Variants in NBEA observed in about 807,000 individuals in gnomAD.
NBEA encodes lysosomal-trafficking regulator 2.
NBEA carries 44 observed loss-of-function variants against 343.4 expected under a neutral mutation model. That is an observed-to-expected ratio of 0.13 (90% CI 0.10 to 0.16). The LOEUF (loss-of-function observed/expected upper bound fraction) is 0.16, where lower values mean the gene tolerates loss of function less well. NBEA is among the 10% of genes least tolerant of loss of function. The pLI is 1.00. For synonymous variants in NBEA, 1,175 were observed against 1,238.7 expected (o/e 0.95, Z 1.08); for missense variants, 2,555 against 3,631.3 (o/e 0.70, Z 7.62).
chr13:35,335,748 A>G (rs569924027), intron 36 of NBEA, among the ~76,000 whole-genome samples: 1 of 152,222 alleles, frequency 6.6e-6, no homozygotes, highest in East Asian at 1.9e-4. Context: ...TAGGTAAAAG[A>G]TAAGAGTTTA....
chr13:35,276,160 C>T (rs2034572159), intron 34 of NBEA, among the ~76,000 whole-genome samples: 1 of 152,092 alleles, frequency 6.6e-6, no homozygotes, highest in South Asian at 2.1e-4. Context: ...GATTAGAAGA[C>T]ACTTTTGTTT....
chr13:35,424,204 G>A (rs1405709993), intron 38 of NBEA, among the ~76,000 whole-genome samples: 1 of 152,140 alleles, frequency 6.6e-6, no homozygotes. Context: ...GGAGTGGTGA[G>A]AGAGGGCATC....
At chr13:35,295,918 T>G (rs1194449684) in intron 35 of NBEA, among the ~76,000 whole-genome samples, 1 of 152,184 alleles carries the variant, frequency 6.6e-6, no homozygotes, top group Non-Finnish European at 1.5e-5. Context: ...TTAGCAGGTA[T>G]AAGAAATTTT....
intron 16 of NBEA, among the ~76,000 whole-genome samples, chr13:35,121,644 T>G (rs1440271909): frequency 6.6e-6 from 1 of 152,084 alleles, no homozygotes; most frequent in African/African-American, 2.4e-5. Flanking sequence ...AAATAATCAC[T>G]TTTCTCATAG....
At chr13:35,286,263 T>A (rs1363126609) in intron 34 of NBEA, among the ~76,000 whole-genome samples, 6 of 152,182 alleles carry the variant, frequency 3.9e-5, no homozygotes, top group Admixed American at 3.3e-4. Context: ...TAAAAAATGA[T>A]GTTCTTATTT....
At chr13:35,108,623 A>T (rs1297877738) in intron 11 of NBEA, among the ~76,000 whole-genome samples, 1 of 152,116 alleles carries the variant, frequency 6.6e-6, no homozygotes, top group Non-Finnish European at 1.5e-5. Context: ...CTCACTTTCA[A>T]TTGCAATATT....
chr13:35,308,341 G>T (rs1403241700), intron 35 of NBEA, among the ~76,000 whole-genome samples: 2 of 148,778 alleles, frequency 1.3e-5, no homozygotes, highest in African/African-American at 4.9e-5. Flanking sequence ...GGTCAATAAA[G>T]ATTTTTCTAT....
intron 56 of NBEA, among the ~76,000 whole-genome samples, chr13:35,666,071 G>A (rs1386700174): frequency 6.6e-6 from 1 of 152,186 alleles, no homozygotes; most frequent in Non-Finnish European, 1.5e-5. Flanking sequence ...GGAGCCCTGG[G>A]TGCTGCTGGA....
At chr13:35,364,280 A>G (rs749428277) in intron 38 of NBEA, among the ~76,000 whole-genome samples, 2 of 151,840 alleles carry the variant, frequency 1.3e-5, no homozygotes, top group Non-Finnish European at 2.9e-5. Context: ...AAGTCCAACA[A>G]CACATGTAGA....
rs370916889 is a variant in NBEA at position 35,114,426 on chromosome 13, C to G, written c.2003-2988C>G. On this transcript the variant is annotated intron_variant, in intron 13 of 58. Coordinates refer to ENST00000379939, the MANE Select transcript of NBEA (RefSeq NM_001385012.1). ...CAGTGTTTTGATACACACGGCATAACCTTCTCAGCTTTAACATTGCTAGTC... is the reference window on the plus strand; with the variant it reads ...CAGTGTTTTGATACACACGGCATAAGCTTCTCAGCTTTAACATTGCTAGTC... 2.6e-5 allele frequency among the ~76,000 whole-genome samples: 4 copies of G among 152,252 alleles called. No individual in the cohort carries two copies. The East Asian group carries it at 7.7e-4, about 29-fold the overall frequency.
chr13:34,945,444 C>A (rs2059158357), intron 1 of NBEA, among the ~76,000 whole-genome samples: 1 of 151,976 alleles, frequency 6.6e-6, no homozygotes, highest in Non-Finnish European at 1.5e-5. Context: ...AAGTCATGGG[C>A]ATTTAAAAAA....
intron 36 of NBEA, among the ~76,000 whole-genome samples, chr13:35,333,164 G>A (rs2039031963): frequency 6.6e-6 from 1 of 151,924 alleles, no homozygotes; most frequent in Non-Finnish European, 1.5e-5. Context: ...ATATGCATGA[G>A]AATCATCAAG....
intron 34 of NBEA, among the ~76,000 whole-genome samples, chr13:35,287,912 T>A (rs1162552105): frequency 6.6e-6 from 1 of 152,054 alleles, no homozygotes; most frequent in African/African-American, 2.4e-5. Flanking sequence ...GAGATTCAAA[T>A]GAGTCAGCAT....
chr13:35,010,769 T>TATACACATATAC (rs2061469609), intron 1 of NBEA, among the ~76,000 whole-genome samples: 3 of 102,598 alleles, frequency 2.9e-5, no homozygotes, highest in African/African-American at 1.2e-4. Flanking sequence ...TATATATATA[T>TATACACATATAC]ATATATATAT....
intron 8 of NBEA, among the ~76,000 whole-genome samples, chr13:35,059,909 T>C (rs1388631024): frequency 6.6e-6 from 1 of 151,878 alleles, no homozygotes; most frequent in Admixed American, 6.6e-5. Flanking sequence ...CTATCATGTA[T>C]TTTCCATATC....
intron 38 of NBEA, among the ~76,000 whole-genome samples, chr13:35,405,118 GAAAC>G (rs2043207334): frequency 3.3e-5 from 5 of 152,198 alleles, no homozygotes; most frequent in African/African-American, 1.2e-4. Context: ...TGTTTGAAAA[GAAAC>G]AAATCTGGAT....
Position 35,252,747 on chromosome 13 carries a change from C to CCTAAGAGAACCA in NBEA, c.5776+20135_5776+20136insAACCACTAAGAG, listed in dbSNP as rs2032127783. Among the ~76,000 whole-genome samples the CCTAAGAGAACCA allele has an allele frequency of 9.2e-5, 14 of 152,228 alleles. 1 individual carries two copies. The South Asian group carries it at 2.9e-3, about 32-fold the overall frequency. On this transcript the variant is annotated intron_variant, in intron 34 of 58. Transcript: ENST00000379939. ...AAGTGGTCTGTGGTCTGTCTCTTACCCTAAGAGTGGTTCTCTCTAACAGTG... is the reference window on the plus strand; with the variant it reads ...AAGTGGTCTGTGGTCTGTCTCTTACCCTAAGAGAACCACTAAGAGTGGTTCTCTCTAACAGTG...
chr13:35,141,511 C>G (rs1467033100), intron 17 of NBEA, among the ~76,000 whole-genome samples: 1 of 152,158 alleles, frequency 6.6e-6, no homozygotes, highest in Non-Finnish European at 1.5e-5. Context: ...GTGATCCACC[C>G]ACCTCAGCCT....
At chr13:35,222,343 T>C (rs2074414650) in intron 33 of NBEA, among the ~76,000 whole-genome samples, 1 of 152,086 alleles carries the variant, frequency 6.6e-6, no homozygotes, top group Non-Finnish European at 1.5e-5. Context: ...CTTGTCTATA[T>C]TTTTATACTT....
Sources: gnomAD v4.1 joint callset for allele counts (sites outside exome capture counted in the v4.1 genomes callset) on GRCh38, gnomAD v4.1.1 for gene constraint, MANE v1.5 for transcripts, NCBI Gene and HGNC (gene_info 2026-07-23, HGNC 2026-07-21) for gene names.